The following SGK3 variants were observed in gnomAD, a reference collection of about 807,000 sequenced individuals.
SGK3 encodes the protein serine/threonine-protein kinase Sgk3.
A neutral mutation model predicts 68.5 loss-of-function variants in SGK3; 47 were observed. That is an observed-to-expected ratio of 0.69 (90% CI 0.54 to 0.87). SGK3 has a LOEUF of 0.87. Among genes scored for constraint, SGK3 ranks in the 40% least tolerant of loss-of-function variants. The pLI is 0.00. For missense variants in SGK3, 479 were observed against 575.5 expected (o/e 0.83, Z 1.72); for synonymous variants, 181 against 189.1 (o/e 0.96, Z 0.35).
Position 66,808,534 on chromosome 8 carries a change from A to G in SGK3, c.253+4087A>G, listed in dbSNP as rs1232931356. On this transcript the variant is annotated intron_variant, in intron 4 of 16. Transcript: ENST00000521198. ...TGTAATTTTTTTTTTTTTTTTTGAG[A>G]TGGAGTTTCGCTCTCATTGCCCAGG... Among the ~76,000 whole-genome samples, 3 of 146,090 alleles carry G rather than the reference A, an allele frequency of 2.1e-5. No homozygotes were observed. In the East Asian group the frequency reaches 5.9e-4, roughly 29 times the overall value.
At chr8:66,730,262 A>T (rs1320826765) in intron 1 of SGK3, among the ~76,000 whole-genome samples, 1 of 152,170 alleles carries the variant, frequency 6.6e-6, no homozygotes, top group Non-Finnish European at 1.5e-5. Flanking sequence ...TATCTTCTCT[A>T]CAGAAATGTC....
chr8:66,773,790 G>T (rs1055778924), intron 1 of SGK3, among the ~76,000 whole-genome samples: 1 of 152,108 alleles, frequency 6.6e-6, no homozygotes, highest in Non-Finnish European at 1.5e-5. Context: ...GTGGGATAGC[G>T]TGAGATTTTA....
chr8:66,741,084 G>A (rs1164420628), intron 1 of SGK3, among the ~76,000 whole-genome samples: 1 of 151,938 alleles, frequency 6.6e-6, no homozygotes, highest in Non-Finnish European at 1.5e-5. Flanking sequence ...TCCTAACCTT[G>A]CCTTACTTGT....
rs1585800427 is a variant in SGK3, at chr8:66,842,278, T to G, written c.978+1168T>G. On this transcript the variant is annotated intron_variant, in intron 13 of 16. Transcript: ENST00000521198. ...CTTTGTCATCCAGGCTGGAGTGCAG[T>G]GGCGCAATCTCAGCTCACTGCAAGC... 2.0e-5 allele frequency among the ~76,000 whole-genome samples: 3 copies of G among 151,268 alleles called. No homozygotes were observed. The South Asian group carries it at 6.3e-4, about 32-fold the overall frequency.
intron 1 of SGK3, among the ~76,000 whole-genome samples, chr8:66,753,913 C>T (rs79007236): frequency 0.026 from 4,031 of 152,312 alleles, 193 homozygotes; most frequent in African/African-American, 0.09. Flanking sequence ...TCCACGTTCT[C>T]CTAGAAGTCA....
intron 1 of SGK3, chr8:66,767,595 T>C: frequency 1.5e-6 from 2 of 1,368,252 alleles, no homozygotes; most frequent in Non-Finnish European, 2.1e-6. Context: ...AGGGGAGATG[T>C]GCAATCTGGT....
At chr8:66,751,136 C>A (rs560757526) in intron 1 of SGK3, among the ~76,000 whole-genome samples, 2 of 151,802 alleles carry the variant, frequency 1.3e-5, no homozygotes, top group African/African-American at 4.8e-5. Context: ...CCTGTCTCTA[C>A]TAAAAATACA....
chr8:66,813,907 G>A lies in SGK3; in HGVS notation c.308G>A (p.Arg103Lys). 1 of 1,595,762 alleles carries A rather than the reference G, an allele frequency of 6.3e-7. No individual in the cohort carries two copies. Among genetic ancestry groups the A allele is most frequent in the Non-Finnish European group, 8.5e-7 (1 of 1,172,070 alleles). Residue 103 changes from arginine (R) to lysine (K), a missense_variant, in exon 5 of 17, where the codon AGG becomes AAG. Arg to Lys is a conservative substitution (Grantham distance 26). This residue lies in a region of SGK3 where 298 missense variants were observed against 329.4 expected (regional missense o/e 0.90). Transcript: ENST00000521198. ...GLNEFIQNLV[R>K]YPELYNHPDV... ...AACGAATTCATTCAGAACCTAGTTAGGTATCCAGAACTTTATAACCAGTAA... is the reference window on the plus strand; with the variant it reads ...AACGAATTCATTCAGAACCTAGTTAAGTATCCAGAACTTTATAACCAGTAA...
Position 66,847,276 on chromosome 8 carries a change from T to C in SGK3, c.1158T>C (p.Leu386=), listed in dbSNP as rs1293357053. Residue 386 remains leucine (L), a synonymous_variant, in exon 15 of 17, where the codon CTT becomes CTC. Transcript: ENST00000521198. ...KPLSLRPGVS[L]TAWSILEELL... is the part of the protein sequence containing the mutation. ...TAAGTTTGAGGCCAGGAGTGAGTCT[T>C]ACAGCCTGGTCCATTCTGGAAGAAC... 1.2e-6 allele frequency: 2 copies of C among 1,614,108 alleles called. No homozygotes were observed. Among genetic ancestry groups the C allele is most frequent in the Non-Finnish European group, 8.5e-7 (1 of 1,179,992 alleles).
At chr8:66,762,516 A>G (rs960888739) in intron 1 of SGK3, among the ~76,000 whole-genome samples, 3 of 152,128 alleles carry the variant, frequency 2.0e-5, no homozygotes, top group Non-Finnish European at 2.9e-5. Flanking sequence ...ACCGCGTCTC[A>G]AAAAACAAAA....
chr8:66,759,322 C>T (rs973011927), intron 1 of SGK3, among the ~76,000 whole-genome samples: 5 of 151,878 alleles, frequency 3.3e-5, no homozygotes, highest in East Asian at 1.9e-4. Context: ...TGACCTCACG[C>T]GATCCGCCCA....
At chr8:66,821,651 T>C (rs919721977) in intron 5 of SGK3, among the ~76,000 whole-genome samples, 1 of 149,926 alleles carries the variant, frequency 6.7e-6, no homozygotes, top group South Asian at 2.1e-4. Context: ...TAGCTGGGAC[T>C]ACAGGTGTCC....
intron 1 of SGK3, among the ~76,000 whole-genome samples, chr8:66,732,165 T>C (rs924891945): frequency 6.6e-6 from 1 of 152,160 alleles, no homozygotes; most frequent in African/African-American, 2.4e-5. Context: ...TTATATGAAA[T>C]AGACATGTCA....
At chr8:66,742,715 A>T (rs966630765) in intron 1 of SGK3, among the ~76,000 whole-genome samples, 6 of 152,110 alleles carry the variant, frequency 3.9e-5, no homozygotes, top group African/African-American at 1.4e-4. Context: ...TTAATAAGTC[A>T]GTCTTTATGA....
rs1810695415 is a variant in SGK3 at position 66,860,094 on chromosome 8, TG to T, written c.*514del. On this transcript the variant is annotated 3_prime_UTR_variant, in exon 17 of 17. Transcript: ENST00000521198. Reference sequence around the variant, plus strand: ...TATTTGGTTCATGGTATGATCGAAATGTAAAAGCATAATTAACACATTGGCT... The same window carrying T: ...TATTTGGTTCATGGTATGATCGAAATTAAAAGCATAATTAACACATTGGCT... 2.0e-5 allele frequency: 3 copies of T among 152,786 alleles called. No individual in the cohort carries two copies. Among genetic ancestry groups the T allele is most frequent in the Non-Finnish European group, 2.9e-5 (2 of 68,142 alleles). The allele number at this position is 152,786 out of a possible 1,614,324, so 9.5% of individuals were successfully genotyped here. A position where few individuals can be genotyped will look rare whatever the true frequency, so the allele number is the denominator to read the frequency against.
chr8:66,816,640 G>A (rs547637375), intron 5 of SGK3, among the ~76,000 whole-genome samples: 133 of 150,786 alleles, frequency 8.8e-4, no homozygotes, highest in Middle Eastern at 6.9e-3. Context: ...CATCGCACCC[G>A]GCCAACATTT....
chr8:66,838,806 A>G (rs1381573344), intron 10 of SGK3, among the ~76,000 whole-genome samples: 1 of 152,206 alleles, frequency 6.6e-6, no homozygotes, highest in African/African-American at 2.4e-5. Context: ...TGGTTTCCAT[A>G]CATTATTACT....
At chr8:66,730,066 A>C (rs1041375518) in intron 1 of SGK3, among the ~76,000 whole-genome samples, 2 of 151,996 alleles carry the variant, frequency 1.3e-5, no homozygotes, top group Non-Finnish European at 2.9e-5. Flanking sequence ...GCCCTACCTT[A>C]TTTTACAATC....
intron 8 of SGK3, among the ~76,000 whole-genome samples, chr8:66,834,799 G>A (rs1436047898): frequency 1.3e-5 from 2 of 151,866 alleles, no homozygotes; most frequent in Non-Finnish European, 1.5e-5. Context: ...AATTAGCCCC[G>A]TGTGGTGGTG....
Sources: allele counts gnomAD v4.1 joint callset (sites outside exome capture counted in the v4.1 genomes callset), GRCh38; gene constraint gnomAD v4.1.1; regional missense constraint gnomAD v4.1.1; transcripts MANE v1.5; gene names NCBI Gene and HGNC (gene_info 2026-07-23, HGNC 2026-07-21).